The following VAV3 variants were observed in gnomAD, a reference collection of about 807,000 sequenced individuals.
The protein encoded by VAV3 is guanine nucleotide exchange factor VAV3.
In VAV3, 94 loss-of-function variants were observed where a neutral mutation model predicts 131.2. That is an observed-to-expected ratio of 0.72 (90% CI 0.61 to 0.85). The LOEUF (loss-of-function observed/expected upper bound fraction) is 0.85, where lower values mean the gene tolerates loss of function less well. Among genes scored for constraint, VAV3 ranks in the 40% least tolerant of loss-of-function variants. The pLI is 0.00. For missense variants in VAV3, 939 were observed against 1,002.7 expected (o/e 0.94, Z 0.86); for synonymous variants, 349 against 342.0 (o/e 1.02, Z -0.22).
chr1:107,917,408 T>C (rs2101138159), intron 1 of VAV3, among the ~76,000 whole-genome samples: 1 of 152,288 alleles, frequency 6.6e-6, no homozygotes, highest in East Asian at 1.9e-4. Flanking sequence ...ATAAGGGAAC[T>C]AAGATTCAAC....
intron 2 of VAV3, among the ~76,000 whole-genome samples, chr1:107,835,815 C>T (rs1034530594): frequency 6.6e-6 from 1 of 152,148 alleles, no homozygotes; most frequent in Non-Finnish European, 1.5e-5. Flanking sequence ...ATCAACAGAC[C>T]ACCTATGGAC....
chr1:107,870,680 A>G (rs1406706517), intron 2 of VAV3, among the ~76,000 whole-genome samples: 2 of 151,998 alleles, frequency 1.3e-5, no homozygotes, highest in Non-Finnish European at 2.9e-5. Flanking sequence ...TCTCTCTCCC[A>G]ATAATGTTCT....
chr1:107,835,638 G>A (rs1278573341), intron 2 of VAV3, among the ~76,000 whole-genome samples: 1 of 152,178 alleles, frequency 6.6e-6, no homozygotes, highest in African/African-American at 2.4e-5. Flanking sequence ...AGCAGGTAGG[G>A]ACAGATTCTA....
At chr1:107,741,653 C>T (rs752415785) in intron 15 of VAV3, among the ~76,000 whole-genome samples, 5 of 152,116 alleles carry the variant, frequency 3.3e-5, no homozygotes, top group Non-Finnish European at 7.4e-5. Flanking sequence ...AATATATACA[C>T]ACACACAAAA....
In VAV3 at chr1:107,578,775, C is replaced by G. The variant is rs192588050; in HGVS notation, c.2351-4577G>C. 2,304 of 984,324 alleles carry G rather than the reference C, an allele frequency of 2.3e-3. 4 individuals are homozygous for G. Among genetic ancestry groups the G allele is most frequent in the Non-Finnish European group, 2.7e-3 (2,218 of 828,986 alleles). 61.0% of individuals were successfully genotyped at this position (984,324 alleles called of 1,614,324 possible). On this transcript the variant is annotated intron_variant, in intron 25 of 26. Transcript: ENST00000370056. ...TTTCTAAGTGTCCATCCTTGTGTCT[C>G]TCTCTCTGGGACTATTTTATCCATA...
At chr1:107,823,163 T>G (rs967365910) in intron 2 of VAV3, among the ~76,000 whole-genome samples, 1 of 152,096 alleles carries the variant, frequency 6.6e-6, no homozygotes, top group African/African-American at 2.4e-5. Context: ...TCAAGATGAC[T>G]CTTGAAGACA....
intron 2 of VAV3, among the ~76,000 whole-genome samples, chr1:107,788,483 A>C (rs1055853693): frequency 1.3e-5 from 2 of 152,156 alleles, no homozygotes; most frequent in Admixed American, 1.3e-4. Flanking sequence ...TATAATTTAC[A>C]GATGCAATTT....
chr1:107,957,274 T>C (rs1214720254), intron 1 of VAV3, among the ~76,000 whole-genome samples: 1 of 152,162 alleles, frequency 6.6e-6, no homozygotes, highest in Non-Finnish European at 1.5e-5. Flanking sequence ...ATTATCACTT[T>C]AATCTTTTTT....
At chr1:107,663,115 T>G (rs1295934876) in intron 19 of VAV3, among the ~76,000 whole-genome samples, 1 of 152,234 alleles carries the variant, frequency 6.6e-6, no homozygotes, top group East Asian at 1.9e-4. Flanking sequence ...ACTGGAATAT[T>G]GTGTTACTCT....
At chr1:107,861,991 C>T (rs959710897) in intron 2 of VAV3, among the ~76,000 whole-genome samples, 3 of 151,776 alleles carry the variant, frequency 2.0e-5, no homozygotes, top group South Asian at 2.1e-4. Context: ...CTGCTCTACG[C>T]ACTGGCCTGT....
intron 19 of VAV3, among the ~76,000 whole-genome samples, chr1:107,676,890 A>G (rs1406070365): frequency 1.3e-5 from 2 of 152,142 alleles, no homozygotes; most frequent in East Asian, 3.9e-4. Context: ...TGTACTCTAC[A>G]ATATTACTTT....
intron 15 of VAV3, among the ~76,000 whole-genome samples, chr1:107,720,381 T>G (rs59806152): frequency 0.14 from 9,059 of 64,520 alleles, 460 homozygotes; most frequent in East Asian, 0.31. Context: ...AGACACTGTC[T>G]CAAAAATAAA....
At chr1:107,685,459 T>C (rs61798890) in intron 18 of VAV3, among the ~76,000 whole-genome samples, 38,068 of 152,160 alleles carry the variant, frequency 0.25, 5,794 homozygotes, top group East Asian at 0.44. Flanking sequence ...ATTAGCTTTT[T>C]GTTATTTTAA....
chr1:107,870,335 G>A (rs1424973389), intron 2 of VAV3, among the ~76,000 whole-genome samples: 2 of 152,154 alleles, frequency 1.3e-5, no homozygotes, highest in African/African-American at 4.8e-5. Flanking sequence ...CATTCTTGCA[G>A]GAGTAAGGTG....
intron 1 of VAV3, among the ~76,000 whole-genome samples, chr1:107,950,989 A>G (rs1454045651): frequency 6.6e-6 from 1 of 152,164 alleles, no homozygotes; most frequent in Non-Finnish European, 1.5e-5. Context: ...TATTCAAGAG[A>G]ATAGACCATC....
intron 2 of VAV3, among the ~76,000 whole-genome samples, chr1:107,858,623 G>A (rs1669589832): frequency 6.6e-6 from 1 of 152,150 alleles, no homozygotes; most frequent in African/African-American, 2.4e-5. Flanking sequence ...GAACTAGGTT[G>A]TGCACTCCTT....
chr1:107,909,615 C>T (rs201885990), intron 1 of VAV3, among the ~76,000 whole-genome samples: 1 of 152,090 alleles, frequency 6.6e-6, no homozygotes, highest in African/African-American at 2.4e-5. Context: ...TGGGAAATTT[C>T]CGAAAAACTT....
intron 1 of VAV3, among the ~76,000 whole-genome samples, chr1:107,910,250 G>T (rs1391369955): frequency 6.6e-6 from 1 of 152,086 alleles, no homozygotes; most frequent in African/African-American, 2.4e-5. Context: ...TCCATACACG[G>T]ATAAGAACAT....
intron 2 of VAV3, among the ~76,000 whole-genome samples, chr1:107,831,024 A>C (rs1444489750): frequency 2.6e-5 from 4 of 152,246 alleles, no homozygotes; most frequent in African/African-American, 9.6e-5. Flanking sequence ...AAATACTTCT[A>C]CAGGTTGAGT....
Sources: gnomAD v4.1 joint callset for allele counts (sites outside exome capture counted in the v4.1 genomes callset) on GRCh38, gnomAD v4.1.1 for gene constraint, MANE v1.5 for transcripts, NCBI Gene and HGNC (gene_info 2026-07-23, HGNC 2026-07-21) for gene names.